The following ZYG11B variants were observed in gnomAD, a reference collection of about 807,000 sequenced individuals.
The protein encoded by ZYG11B is zyg-11 family member B, cell cycle regulator.
ZYG11B carries 36 observed loss-of-function variants against 82.4 expected under a neutral mutation model. The ratio of observed to expected loss-of-function variants is 0.44; its 90% CI spans 0.33 to 0.58. ZYG11B has a LOEUF of 0.58. ZYG11B is among the 20% of genes least tolerant of loss of function. The pLI is 0.02. For synonymous variants in ZYG11B, 303 were observed against 312.8 expected, an observed-to-expected ratio of 0.97 and a Z score of 0.33; for missense variants, 552 against 895.6, an observed-to-expected ratio of 0.62 and a Z score of 4.90.
chr1:52,819,255 C>T (rs1005408585), intron 13 of ZYG11B, among the ~76,000 whole-genome samples: 7 of 152,182 alleles, frequency 4.6e-5, no homozygotes, highest in African/African-American at 1.4e-4. Context: ...TACTACATTA[C>T]CCAGAAGCAG....
chr1:52,752,131 A>G (rs1480051626), intron 1 of ZYG11B, among the ~76,000 whole-genome samples: 1 of 152,174 alleles, frequency 6.6e-6, no homozygotes, highest in Non-Finnish European at 1.5e-5. Flanking sequence ...TTCAGGTAGT[A>G]GGTCTCTGGA....
chr1:52,796,986 ATT>A (rs57266374), intron 8 of ZYG11B, among the ~76,000 whole-genome samples: 17 of 73,632 alleles, frequency 2.3e-4, no homozygotes, highest in Admixed American at 1.0e-3. Flanking sequence ...AAATATATAT[ATT>A]TTTTATATAA....
chr1:52,797,633 C>T (rs1445178396), intron 8 of ZYG11B, among the ~76,000 whole-genome samples: 2 of 148,860 alleles, frequency 1.3e-5, no homozygotes, highest in South Asian at 2.1e-4. Flanking sequence ...CTCAGCCTCC[C>T]GAGTAGCTGG....
intron 1 of ZYG11B, among the ~76,000 whole-genome samples, chr1:52,756,148 T>G (rs11206008): frequency 0.1 from 15,932 of 152,176 alleles, 1,865 homozygotes; most frequent in East Asian, 0.35. Flanking sequence ...CTTCCTAAGC[T>G]CTGAGGTCTT....
chr1:52,739,006 GA>G (rs1255927888), intron 1 of ZYG11B, among the ~76,000 whole-genome samples: 12 of 30,922 alleles, frequency 3.9e-4, no homozygotes, highest in Non-Finnish European at 5.8e-4. Flanking sequence ...TTTGGAGACA[GA>G]GTCTCACTGT....
chr1:52,819,428 C>G (rs1645261949), intron 13 of ZYG11B, among the ~76,000 whole-genome samples: 1 of 152,078 alleles, frequency 6.6e-6, no homozygotes, highest in African/African-American at 2.4e-5. Context: ...GGTTCCTTTC[C>G]TCATAACTCA....
intron 5 of ZYG11B, among the ~76,000 whole-genome samples, chr1:52,787,076 G>A (rs925897883): frequency 7.1e-6 from 1 of 140,828 alleles, no homozygotes; most frequent in African/African-American, 2.7e-5. Flanking sequence ...GGCAACAAGA[G>A]CGAAACTCTT....
chr1:52,775,178 G>A (rs997289355), intron 3 of ZYG11B, among the ~76,000 whole-genome samples: 31 of 151,476 alleles, frequency 2.0e-4, no homozygotes, highest in African/African-American at 7.5e-4. Flanking sequence ...GGAGAGTTCT[G>A]CACCTCAGTC....
At chr1:52,755,957 GC>G (rs1382172855) in intron 1 of ZYG11B, among the ~76,000 whole-genome samples, 1 of 151,394 alleles carries the variant, frequency 6.6e-6, no homozygotes, top group Non-Finnish European at 1.5e-5. Context: ...CCACCACCAT[GC>G]CTAGCTAATT....
intron 1 of ZYG11B, among the ~76,000 whole-genome samples, chr1:52,736,769 A>C (rs1644381642): frequency 6.6e-6 from 1 of 151,830 alleles, no homozygotes. Context: ...TGTATTTTTT[A>C]GTAGAGACGG....
At chr1:52,801,681 G>T (rs530456884) in intron 8 of ZYG11B, 138 bp from the exon 9 acceptor site, 1 of 622,920 alleles carries the variant, frequency 1.6e-6, no homozygotes. Context: ...CAGTCCAAGG[G>T]GCTGTTTGTT....
intron 1 of ZYG11B, among the ~76,000 whole-genome samples, chr1:52,737,965 T>G (rs147773220): frequency 5.8e-4 from 89 of 152,350 alleles, no homozygotes; most frequent in African/African-American, 2.1e-3. Flanking sequence ...AATGGCACTT[T>G]TGACCTAGGA....
At chr1:52,809,342 G>T (rs780596454) in intron 10 of ZYG11B, among the ~76,000 whole-genome samples, 5 of 152,014 alleles carry the variant, frequency 3.3e-5, no homozygotes, top group Admixed American at 6.6e-5. Context: ...CCCCCATTCT[G>T]CAGGCCCTGG....
At chr1:52,820,242 T>C (rs1196930144) in intron 13 of ZYG11B, among the ~76,000 whole-genome samples, 1 of 151,872 alleles carries the variant, frequency 6.6e-6, no homozygotes, top group African/African-American at 2.4e-5. Context: ...AAATGCACTG[T>C]AATTTGGGGA....
At chr1:52,737,955 A>G (rs546726265) in intron 1 of ZYG11B, among the ~76,000 whole-genome samples, 8 of 152,238 alleles carry the variant, frequency 5.3e-5, no homozygotes, top group Non-Finnish European at 8.8e-5. Context: ...TACTAGCCTA[A>G]ATGGCACTTT....
chr1:52,763,877 T>G (rs1644657953), intron 2 of ZYG11B, among the ~76,000 whole-genome samples: 1 of 152,216 alleles, frequency 6.6e-6, no homozygotes, highest in African/African-American at 2.4e-5. Flanking sequence ...AACTGAAAAT[T>G]TGAAACATTA....
intron 4 of ZYG11B, among the ~76,000 whole-genome samples, chr1:52,780,367 G>A (rs977583667): frequency 2.0e-5 from 3 of 151,138 alleles, no homozygotes; most frequent in African/African-American, 7.4e-5. Context: ...ATACAATATT[G>A]CACCAAATAT....
rs1644819124 is a variant in ZYG11B at position 52,777,404 on chromosome 1, C to T, written c.952-2449C>T. On this transcript the variant is annotated intron_variant, in intron 3 of 13. Transcript: ENST00000294353. ...TTGAAATGTCAACCATGATACATCC[C>T]TTCATTTCCTCAAAGCTGCATATTC... is the stretch of plus-strand genomic sequence containing the variant. Among the ~76,000 whole-genome samples the T allele has an allele frequency of 2.6e-5, 4 of 152,024 alleles. No individual in the cohort carries two copies. In the South Asian group the frequency reaches 8.3e-4, roughly 32 times the overall value.
intron 2 of ZYG11B, among the ~76,000 whole-genome samples, 188 bp from the exon 3 acceptor site, chr1:52,770,832 A>G (rs1644743847): frequency 1.3e-5 from 2 of 152,202 alleles, no homozygotes; most frequent in African/African-American, 4.8e-5. Flanking sequence ...TGATCTTGGA[A>G]AGCCACTCTC....
Sources: gnomAD v4.1 joint callset for allele counts (sites outside exome capture counted in the v4.1 genomes callset) on GRCh38, gnomAD v4.1.1 for gene constraint, MANE v1.5 for transcripts, NCBI Gene and HGNC (gene_info 2026-07-23, HGNC 2026-07-21) for gene names.